Variants in BNC2 observed in about 807,000 individuals in gnomAD.
The protein encoded by BNC2 is basonuclin zinc finger protein 2, also known as zinc finger protein basonuclin-2.
In BNC2, 20 loss-of-function variants were observed where a neutral mutation model predicts 76.3. The observed-to-expected ratio is 0.26, with a 90% CI of 0.18 to 0.38. The LOEUF (loss-of-function observed/expected upper bound fraction) is 0.38, where lower values mean the gene tolerates loss of function less well. BNC2 is among the 10% of genes least tolerant of loss of function. The pLI is 1.00. For missense variants in BNC2, 1,382 were observed against 1,399.8 expected (o/e 0.99, Z 0.20); for synonymous variants, 582 against 514.8 (o/e 1.13, Z -1.77).
intron 5 of BNC2, among the ~76,000 whole-genome samples, chr9:16,441,522 A>G (rs1047519181): frequency 5.9e-5 from 9 of 152,176 alleles, no homozygotes; most frequent in Non-Finnish European, 1.3e-4. Flanking sequence ...TTTTTTTCTG[A>G]AGATCTTTGT....
chr9:16,830,590 G>A (rs537796458), intron 1 of BNC2, among the ~76,000 whole-genome samples: 9 of 152,226 alleles, frequency 5.9e-5, no homozygotes, highest in Admixed American at 1.3e-4. Flanking sequence ...ATCTGCGGGC[G>A]CAGAAACCAT....
chr9:16,484,469 G>A (rs1822119845), intron 5 of BNC2, among the ~76,000 whole-genome samples: 1 of 152,170 alleles, frequency 6.6e-6, no homozygotes, highest in Non-Finnish European at 1.5e-5. Context: ...ATTGTTGGCT[G>A]CCAGCATAAC....
intron 1 of BNC2, among the ~76,000 whole-genome samples, chr9:16,759,725 A>ATTT (rs35836794): frequency 1.2e-4 from 17 of 141,482 alleles, no homozygotes; most frequent in African/African-American, 3.1e-4. Flanking sequence ...GACATAAACT[A>ATTT]TTTTTTTTTT....
At chr9:16,456,651 G>C (rs1306332557) in intron 5 of BNC2, among the ~76,000 whole-genome samples, 1 of 152,024 alleles carries the variant, frequency 6.6e-6, no homozygotes, top group African/African-American at 2.4e-5. Flanking sequence ...CAAATGCTCT[G>C]GCAGATATTT....
At chr9:16,442,916 G>A (rs974954929) in intron 5 of BNC2, among the ~76,000 whole-genome samples, 5 of 151,746 alleles carry the variant, frequency 3.3e-5, no homozygotes, top group Non-Finnish European at 7.4e-5. Flanking sequence ...GACCAGCCTG[G>A]CCAACACCAT....
At chr9:16,693,546 G>A (rs1823246880) in intron 3 of BNC2, among the ~76,000 whole-genome samples, 1 of 152,170 alleles carries the variant, frequency 6.6e-6, no homozygotes, top group Non-Finnish European at 1.5e-5. Context: ...TGATGCTGAT[G>A]AGCATTAAAG....
chr9:16,754,970 C>T (rs1301864043), intron 1 of BNC2, among the ~76,000 whole-genome samples: 1 of 152,186 alleles, frequency 6.6e-6, no homozygotes, highest in Non-Finnish European at 1.5e-5. Context: ...CAACAAGATA[C>T]TTCCCCCTTC....
intron 3 of BNC2, among the ~76,000 whole-genome samples, chr9:16,603,812 TTTTC>T (rs1436165724): frequency 6.6e-6 from 1 of 152,172 alleles, no homozygotes; most frequent in Non-Finnish European, 1.5e-5. Context: ...AAATATACAC[TTTTC>T]TTTAATTTTT....
chr9:16,596,754 G>A (rs576024354), intron 3 of BNC2, among the ~76,000 whole-genome samples: 2 of 152,252 alleles, frequency 1.3e-5, no homozygotes, highest in African/African-American at 4.8e-5. Flanking sequence ...AGAGAAACAG[G>A]AGCCTTTACC....
At chr9:16,793,807 G>A (rs976135095) in intron 1 of BNC2, among the ~76,000 whole-genome samples, 1 of 150,498 alleles carries the variant, frequency 6.6e-6, no homozygotes, top group Non-Finnish European at 1.5e-5. Flanking sequence ...CTGGGACTGG[G>A]ACTGCAGGTG....
At chr9:16,793,648 CTTTTTTTTTTTTTTTTTT>C (rs71327860) in intron 1 of BNC2, among the ~76,000 whole-genome samples, 9 of 55,778 alleles carry the variant, frequency 1.6e-4, no homozygotes, top group African/African-American at 5.0e-4. Flanking sequence ...CCTTCCACAT[CTTTTTTTTTTTTTTTTTT>C]TTTTTTTTTT....
rs749251520 is a variant in BNC2, at chr9:16,685,637, A to G, written c.330+42160T>C. The stretch of plus-strand genomic sequence containing the variant: ...GTACATGCCAATGGAACCTGAGGGA[A>G]TACAGCCACGTTAGATGCTGTGTAT... On this transcript the variant is annotated intron_variant, in intron 3 of 6. Coordinates refer to ENST00000380672, the MANE Select transcript of BNC2 (RefSeq NM_017637.6). 2.1e-5 allele frequency: 28 copies of G among 1,303,916 alleles called. No homozygotes were observed. The South Asian group carries it at 3.3e-4, about 16-fold the overall frequency. 80.8% of individuals were successfully genotyped at this position (1,303,916 alleles called of 1,614,324 possible). A position where few individuals can be genotyped will look rare whatever the true frequency, so the allele number is the denominator to read the frequency against.
At chr9:16,598,654 C>T (rs2133266575) in intron 3 of BNC2, among the ~76,000 whole-genome samples, 1 of 152,260 alleles carries the variant, frequency 6.6e-6, no homozygotes, top group Middle Eastern at 3.4e-3. Context: ...AACATTCTAA[C>T]CTTAGATCTC....
chr9:16,811,667 T>C (rs1468399365), intron 1 of BNC2, among the ~76,000 whole-genome samples: 1 of 151,544 alleles, frequency 6.6e-6, no homozygotes, highest in Non-Finnish European at 1.5e-5. Context: ...GCAGAACTGC[T>C]CTTAAGAAAG....
chr9:16,574,213 T>C (rs1188224506), intron 4 of BNC2, among the ~76,000 whole-genome samples: 1 of 152,162 alleles, frequency 6.6e-6, no homozygotes, highest in Non-Finnish European at 1.5e-5. Context: ...CTATAAACAA[T>C]TAAGCTTCCT....
At chr9:16,828,998 C>CG (rs1818517904) in intron 1 of BNC2, among the ~76,000 whole-genome samples, 1 of 90,752 alleles carries the variant, frequency 1.1e-5, no homozygotes, top group Non-Finnish European at 2.7e-5. Context: ...AGGGGGGCGG[C>CG]GGGGTGGGCT....
chr9:16,799,211 C>T (rs528120223), intron 1 of BNC2, among the ~76,000 whole-genome samples: 3 of 152,188 alleles, frequency 2.0e-5, no homozygotes, highest in Admixed American at 2.0e-4. Flanking sequence ...TTAGTCATAA[C>T]TCCAGAGGCA....
intron 5 of BNC2, among the ~76,000 whole-genome samples, chr9:16,444,011 G>C (rs1821181272): frequency 6.6e-6 from 1 of 152,092 alleles, no homozygotes; most frequent in African/African-American, 2.4e-5. Flanking sequence ...CACGCAAATT[G>C]CTTGAACTCT....
At chr9:16,816,061 A>G (rs1818174031) in intron 1 of BNC2, among the ~76,000 whole-genome samples, 1 of 152,154 alleles carries the variant, frequency 6.6e-6, no homozygotes, top group African/African-American at 2.4e-5. Flanking sequence ...GTTTAATTAA[A>G]AAACACTTCT....
Sources: gnomAD v4.1 joint callset for allele counts (sites outside exome capture counted in the v4.1 genomes callset) on GRCh38, gnomAD v4.1.1 for gene constraint, MANE v1.5 for transcripts, NCBI Gene and HGNC (gene_info 2026-07-23, HGNC 2026-07-21) for gene names.